The following PTPRK variants were observed in gnomAD, a reference collection of about 807,000 sequenced individuals.
The protein encoded by PTPRK is receptor-type tyrosine-protein phosphatase kappa.
In PTPRK, 75 loss-of-function variants were observed where a neutral mutation model predicts 178.0. That is an observed-to-expected ratio of 0.42 (90% CI 0.35 to 0.51). PTPRK has a LOEUF of 0.51. Among genes scored for constraint, PTPRK ranks in the 20% least tolerant of loss-of-function variants. The pLI is 0.02. For synonymous variants in PTPRK, 637 were observed against 620.6 expected, an observed-to-expected ratio of 1.03 and a Z score of -0.39; for missense variants, 1,441 against 1,797.8, an observed-to-expected ratio of 0.80 and a Z score of 3.59.
chr6:128,099,147 T>C (rs1469413178), intron 7 of PTPRK, among the ~76,000 whole-genome samples: 1 of 151,038 alleles, frequency 6.6e-6, no homozygotes, highest in Non-Finnish European at 1.5e-5. Context: ...ATTTCTTTAC[T>C]CTTGACTGAA....
chr6:127,977,278 C>T (rs909823203), intron 25 of PTPRK, among the ~76,000 whole-genome samples: 1 of 152,140 alleles, frequency 6.6e-6, no homozygotes, highest in Non-Finnish European at 1.5e-5. Context: ...TTCAATGCTT[C>T]CAAAGCAATT....
At chr6:128,216,542 T>TAA (rs75802526) in intron 6 of PTPRK, among the ~76,000 whole-genome samples, 255 of 84,266 alleles carry the variant, frequency 3.0e-3, no homozygotes, top group African/African-American at 9.3e-3. Flanking sequence ...CTCAGAAAAA[T>TAA]AAAAAAAAAA....
intron 6 of PTPRK, among the ~76,000 whole-genome samples, chr6:128,211,546 T>C (rs1014499134): frequency 1.8e-4 from 28 of 152,280 alleles, no homozygotes; most frequent in African/African-American, 6.7e-4. Context: ...TACATATTAT[T>C]ATTTGCTTTA....
At chr6:128,067,200 G>A (rs1031984653) in intron 12 of PTPRK, among the ~76,000 whole-genome samples, 18 of 152,248 alleles carry the variant, frequency 1.2e-4, no homozygotes, top group African/African-American at 4.1e-4. Context: ...ATGCCTGATC[G>A]TTACTGAGGG....
chr6:128,339,009 T>C (rs868228545), intron 2 of PTPRK, among the ~76,000 whole-genome samples: 2 of 152,258 alleles, frequency 1.3e-5, no homozygotes, highest in Middle Eastern at 3.4e-3. Context: ...GCTATTATGT[T>C]TTTTGCTTTT....
intron 1 of PTPRK, among the ~76,000 whole-genome samples, chr6:128,495,312 T>C (rs1357531708): frequency 2.6e-5 from 4 of 152,192 alleles, no homozygotes; most frequent in African/African-American, 7.2e-5. Flanking sequence ...TACATAGATA[T>C]ATACTTTAAA....
chr6:128,349,699 A>T (rs909057517), intron 2 of PTPRK, among the ~76,000 whole-genome samples: 1 of 152,190 alleles, frequency 6.6e-6, no homozygotes, highest in Non-Finnish European at 1.5e-5. Flanking sequence ...TACATGAAAA[A>T]TTTTGATGAA....
At chr6:128,295,305 G>C (rs1185223489) in intron 3 of PTPRK, among the ~76,000 whole-genome samples, 1 of 152,032 alleles carries the variant, frequency 6.6e-6, no homozygotes, top group Non-Finnish European at 1.5e-5. Context: ...GACAGATTTG[G>C]CCTGCTGGTG....
At chr6:128,464,630 T>TACAC (rs1562576056) in intron 1 of PTPRK, among the ~76,000 whole-genome samples, 1 of 55,036 alleles carries the variant, frequency 1.8e-5, no homozygotes, top group Non-Finnish European at 3.0e-5. Flanking sequence ...CATATATATA[T>TACAC]ATATACACAT....
chr6:128,124,823 CT>C (rs1486846868), intron 7 of PTPRK, among the ~76,000 whole-genome samples: 1 of 152,196 alleles, frequency 6.6e-6, no homozygotes, highest in African/African-American at 2.4e-5. Context: ...AGCAGACTGC[CT>C]TCAGATTTTA....
chr6:128,302,640 A>G (rs1825817034), intron 3 of PTPRK, among the ~76,000 whole-genome samples: 1 of 152,004 alleles, frequency 6.6e-6, no homozygotes, highest in South Asian at 2.1e-4. Context: ...CTGTTACTCA[A>G]TATTGTGGTT....
At chr6:128,512,406 T>G (rs1857325219) in intron 1 of PTPRK, among the ~76,000 whole-genome samples, 1 of 152,222 alleles carries the variant, frequency 6.6e-6, no homozygotes, top group Non-Finnish European at 1.5e-5. Context: ...AATTTTTACT[T>G]CTTGTTTTTT....
chr6:128,018,653 T>C (rs1352479309), intron 13 of PTPRK, among the ~76,000 whole-genome samples: 5 of 152,106 alleles, frequency 3.3e-5, no homozygotes, highest in Non-Finnish European at 7.4e-5. Flanking sequence ...TTAAATGTAT[T>C]GAAACATGTA....
At chr6:128,429,516 T>C (rs1404561176) in intron 1 of PTPRK, among the ~76,000 whole-genome samples, 1 of 152,204 alleles carries the variant, frequency 6.6e-6, no homozygotes, top group Non-Finnish European at 1.5e-5. Context: ...CCTCATCCCG[T>C]CCTACTAATT....
intron 2 of PTPRK, among the ~76,000 whole-genome samples, chr6:128,350,496 G>A (rs1832978627): frequency 6.6e-6 from 1 of 152,094 alleles, no homozygotes; most frequent in South Asian, 2.1e-4. Flanking sequence ...TCAATCCAAC[G>A]ACCACTGATA....
At chr6:128,083,494 A>C (rs1216074594) in intron 9 of PTPRK, among the ~76,000 whole-genome samples, 1 of 152,096 alleles carries the variant, frequency 6.6e-6, no homozygotes, top group Non-Finnish European at 1.5e-5. Context: ...AACAAAAAAC[A>C]TGCATTTTTT....
chr6:128,020,402 T>C (rs1773322310), intron 13 of PTPRK, among the ~76,000 whole-genome samples: 1 of 152,158 alleles, frequency 6.6e-6, no homozygotes, highest in Non-Finnish European at 1.5e-5. Context: ...TAAATGTGGA[T>C]ATATGGAGAC....
intron 7 of PTPRK, among the ~76,000 whole-genome samples, chr6:128,184,216 T>C (rs1273697979): frequency 6.6e-6 from 1 of 152,154 alleles, no homozygotes; most frequent in Non-Finnish European, 1.5e-5. Context: ...TCTAGATTCA[T>C]AATAATAATG....
chr6:128,450,160 A>G (rs1847600577), intron 1 of PTPRK, among the ~76,000 whole-genome samples: 1 of 151,936 alleles, frequency 6.6e-6, no homozygotes, highest in African/African-American at 2.4e-5. Flanking sequence ...AAAGAACCAT[A>G]TAAGCAGAGA....
Sources: allele counts gnomAD v4.1 joint callset (sites outside exome capture counted in the v4.1 genomes callset), GRCh38; gene constraint gnomAD v4.1.1; transcripts MANE v1.5; gene names NCBI Gene and HGNC (gene_info 2026-07-23, HGNC 2026-07-21).